The following PHKA2 variants were observed in gnomAD, a reference collection of about 807,000 sequenced individuals.
PHKA2 encodes phosphorylase kinase regulatory subunit alpha 2.
In PHKA2, 31 loss-of-function variants were observed where a neutral mutation model predicts 102.0. The observed-to-expected ratio is 0.30, with a 90% confidence interval of 0.23 to 0.41. The LOEUF is 0.41. Among genes scored for constraint, PHKA2 ranks in the 10% least tolerant of loss-of-function variants. The pLI is 1.00. For synonymous variants in PHKA2, 455 were observed against 416.2 expected (o/e 1.09, Z -1.13); for missense variants, 858 against 1,023.1 (o/e 0.84, Z 2.20).
chrX:18,966,091 T>G lies in PHKA2; in HGVS notation c.79-11679A>C, dbSNP rs1332887961. ...GGTGGTGGCTCTTTTGTTTTTTTTT[T>G]GTTTTTTTTTTTTTGAGATGGAGTC... On this transcript the variant is annotated intron_variant, in intron 1 of 32. Transcript: ENST00000379942. Among the ~76,000 whole-genome samples, 46 of 102,576 alleles carry G rather than the reference T, an allele frequency of 4.5e-4. 1 individual carries two copies. The highest frequency in any genetic ancestry group is 1.6e-3 in the African/African-American group (43 of 26,216). 89.1% of individuals were successfully genotyped at this position (102,576 alleles called of 115,157 possible).
At chrX:18,894,907 C>G (rs2047507590) in intron 31 of PHKA2, 1 of 439,937 alleles carries the variant, frequency 2.3e-6, no homozygotes, top group Non-Finnish European at 4.0e-6. Context: ...ATGCAAAGAG[C>G]TTGCTAGCCC....
At chrX:18,923,047 CTTTTT>C (rs775796728) in intron 17 of PHKA2, among the ~76,000 whole-genome samples, 1 of 82,532 alleles carries the variant, frequency 1.2e-5, no homozygotes, top group African/African-American at 4.9e-5. Flanking sequence ...TGAGATTCTC[CTTTTT>C]TTTTTTTTTT....
intron 20 of PHKA2, among the ~76,000 whole-genome samples, chrX:18,909,317 T>C (rs1439587212): frequency 2.7e-5 from 3 of 112,094 alleles, no homozygotes; most frequent in Non-Finnish European, 5.6e-5. Context: ...TTGGTGATCA[T>C]TCATTGAGCT....
In PHKA2 at chrX:18,892,743, CTTTTTTTTTT is replaced by C. The variant is rs879137819; in HGVS notation, c.*732_*741del. On this transcript the variant is annotated 3_prime_UTR_variant, in exon 33 of 33. Coordinates refer to ENST00000379942, the MANE Select transcript of PHKA2 (RefSeq NM_000292.3). Reference sequence around the variant, plus strand: ...TGCCTGGCTATAAGAGGAGCCTTGTCTTTTTTTTTTTTTTTTTCTAGATTCCAGAAGATGC... The same window carrying C: ...TGCCTGGCTATAAGAGGAGCCTTGTCTTTTTTTCTAGATTCCAGAAGATGC... 2 of 94,120 alleles carry C rather than the reference CTTTTTTTTTT, an allele frequency of 2.1e-5. No homozygotes were observed. Among genetic ancestry groups the C allele is most frequent in the Non-Finnish European group, 4.3e-5 (2 of 46,605 alleles). The allele number at this position is 94,120 out of a possible 1,213,427, so 7.8% of individuals were successfully genotyped here.
rs1428014283 is a variant in PHKA2, at chrX:18,917,989, A to G, written c.2137+692T>C. Among the ~76,000 whole-genome samples the G allele has an allele frequency of 3.6e-5, 4 of 111,050 alleles. No individual in the cohort carries two copies. The Admixed American group carries it at 3.9e-4, about 11-fold the overall frequency. On this transcript the variant is annotated intron_variant, in intron 19 of 32. Transcript: ENST00000379942. ...CCAAAACAGAAGAATACATTGAGAA[A>G]GGGGAACACAGCAGATTCAGGAACC...
chrX:18,901,660 G>T, intron 26 of PHKA2, 57 bp from the exon 27 acceptor site: 1 of 801,246 alleles, frequency 1.2e-6, no homozygotes, highest in Non-Finnish European at 1.9e-6. Flanking sequence ...CCAACCCGAG[G>T]CAGGATCTGC....
intron 17 of PHKA2, 83 bp from the exon 18 acceptor site, chrX:18,920,284 C>G: frequency 3.5e-6 from 2 of 564,273 alleles, no homozygotes; most frequent in Non-Finnish European, 6.4e-6. Context: ...TTTTGCACAA[C>G]CATGTGGTGC....
At chrX:18,907,854 C>A in intron 22 of PHKA2, 46 bp downstream of exon 22, 2 of 1,174,657 alleles carry the variant, frequency 1.7e-6, no homozygotes, top group Non-Finnish European at 2.3e-6. Context: ...AGGAAGGGGG[C>A]ACGAGCTAGT....
intron 15 of PHKA2, among the ~76,000 whole-genome samples, chrX:18,925,401 CTGT>C (rs2048193504): frequency 8.9e-6 from 1 of 112,092 alleles, no homozygotes; most frequent in African/African-American, 3.2e-5. Flanking sequence ...GGCACAAGGG[CTGT>C]GAGTCAAGTG....
intron 13 of PHKA2, among the ~76,000 whole-genome samples, chrX:18,926,852 A>G (rs1247624004): frequency 3.6e-5 from 4 of 111,568 alleles, no homozygotes; most frequent in South Asian, 3.7e-4. Flanking sequence ...ATTGTCCTCA[A>G]TAAGTCCCAA....
At chrX:18,980,406 A>G (rs1038492266) in intron 1 of PHKA2, among the ~76,000 whole-genome samples, 1 of 112,835 alleles carries the variant, frequency 8.9e-6, no homozygotes, top group Admixed American at 9.3e-5. Flanking sequence ...CATTTGTTCT[A>G]TTCTGAGATA....
At position 18,892,743 on chromosome X, in the gene PHKA2, CTTTTTTT is replaced by C. The variant is rs879137819; in HGVS notation, c.*735_*741del. ...TGCCTGGCTATAAGAGGAGCCTTGT[CTTTTTTT>C]TTTTTTTTTTCTAGATTCCAGAAGA... On this transcript the variant is annotated 3_prime_UTR_variant, in exon 33 of 33. Transcript: ENST00000379942. The C allele has an allele frequency of 2.1e-5, 2 of 94,120 alleles. No homozygotes were observed. The highest frequency in any genetic ancestry group is 3.8e-5 in the African/African-American group (1 of 26,006). The allele number at this position is 94,120 out of a possible 1,213,427, so 7.8% of individuals were successfully genotyped here.
intron 19 of PHKA2, among the ~76,000 whole-genome samples, chrX:18,911,345 G>GT (rs1222476929): frequency 9.0e-6 from 1 of 111,165 alleles, no homozygotes; most frequent in East Asian, 2.8e-4. Context: ...GGCTAATTTT[G>GT]TATCTTTAGT....
chrX:18,906,473 GC>G lies in PHKA2; in HGVS notation c.2806+21del, dbSNP rs749049055. ...GTTGGGGTGGGGTGCGGCGGGAGCT[GC>G]AGGAGCTGCGGGCATCTCACCTGAG... On this transcript the variant is annotated intron_variant, in intron 25 of 32. Transcript: ENST00000379942. 6 of 1,210,737 alleles carry G rather than the reference GC, an allele frequency of 5.0e-6. No homozygotes were observed. In the South Asian group the frequency reaches 8.8e-5, roughly 18 times the overall value.
chrX:18,967,558 GA>G (rs1223438024), intron 1 of PHKA2, among the ~76,000 whole-genome samples: 1 of 108,976 alleles, frequency 9.2e-6, no homozygotes, highest in Non-Finnish European at 1.9e-5. Flanking sequence ...GTGGAGCTGA[GA>G]TGTGTTTCGG....
chrX:18,925,775 G>A lies in PHKA2; in HGVS notation c.1462C>T (p.Arg488Trp), dbSNP rs779919329. Residue 488 changes from arginine to tryptophan, a missense_variant and splice_region_variant, in exon 15 of 33, where the codon CGG becomes TGG. Arg to Trp is a moderately radical substitution (Grantham distance 101, BLOSUM62 -3). Around this residue, in one of 2 missense-constraint regions of PHKA2, gnomAD observed 671 missense variants for 745.2 expected, o/e 0.90. Coordinates refer to ENST00000379942, the MANE Select transcript of PHKA2 (RefSeq NM_000292.3). ...ILSHIYAKLG[R>W]NKNMNLSGRP... ...CCACTCAAATTCATATTCTTATTCC[G>A]TCCTGTTTGAGAAGTAAAAGATAAA... is the stretch of plus-strand genomic sequence containing the variant. 33 of 1,143,816 alleles carry A rather than the reference G, an allele frequency of 2.9e-5. No individual in the cohort carries two copies. Among genetic ancestry groups the A allele is most frequent in the South Asian group, 5.4e-5 (3 of 55,353 alleles). The allele number at this position is 1,143,816 out of a possible 1,213,427, so 94.3% of individuals were successfully genotyped here.
At chrX:18,939,728 C>T (rs1202518193) in intron 9 of PHKA2, among the ~76,000 whole-genome samples, 2 of 111,535 alleles carry the variant, frequency 1.8e-5, no homozygotes, top group African/African-American at 6.5e-5. Context: ...CTCCTGACCT[C>T]GTGATCCGCC....
At chrX:18,895,489 C>T (rs2047529570) in intron 30 of PHKA2, 2 of 324,211 alleles carry the variant, frequency 6.2e-6, no homozygotes, top group South Asian at 5.6e-5. Context: ...GGCAACTGGG[C>T]CCGGGCGGCT....
chrX:18,930,962 A>C (rs1172720825), intron 12 of PHKA2, among the ~76,000 whole-genome samples: 3 of 111,183 alleles, frequency 2.7e-5, no homozygotes, highest in Non-Finnish European at 5.7e-5. Context: ...GGTCCAGCCG[A>C]AGCACTCAGC....
Sources: allele counts gnomAD v4.1 joint callset (sites outside exome capture counted in the v4.1 genomes callset), GRCh38; gene constraint gnomAD v4.1.1; regional missense constraint gnomAD v4.1.1; transcripts MANE v1.5; gene names NCBI Gene and HGNC (gene_info 2026-07-23, HGNC 2026-07-21).